Variants in DYNC2H1 observed in about 807,000 individuals in gnomAD.
DYNC2H1 encodes dynein cytoplasmic 2 heavy chain 1, also known as cytoplasmic dynein 2 heavy chain 1.
A neutral mutation model predicts 570.0 loss-of-function variants in DYNC2H1; 410 were observed. The observed-to-expected ratio is 0.72, with a 90% CI of 0.66 to 0.78. DYNC2H1 has a LOEUF of 0.78. DYNC2H1 is among the 30% of genes least tolerant of loss of function. DYNC2H1 has a pLI of 0.00. For missense variants in DYNC2H1, 4,865 were observed against 5,046.4 expected (o/e 0.96, Z 1.09); for synonymous variants, 1,688 against 1,677.6 (o/e 1.01, Z -0.15).
chr11:103,311,156 A>G (rs1867570208), intron 78 of DYNC2H1, among the ~76,000 whole-genome samples: 1 of 152,196 alleles, frequency 6.6e-6, no homozygotes, highest in Non-Finnish European at 1.5e-5. Context: ...TTTTATTTTT[A>G]AAACAAGCTA....
intron 82 of DYNC2H1, among the ~76,000 whole-genome samples, chr11:103,352,008 G>A (rs1450887772): frequency 6.6e-6 from 1 of 151,874 alleles, no homozygotes; most frequent in African/African-American, 2.4e-5. Flanking sequence ...TTCTCTATTA[G>A]CCAAATTTGC....
chr11:103,476,832 G>A (rs1294794173), intron 88 of DYNC2H1, among the ~76,000 whole-genome samples: 1 of 152,126 alleles, frequency 6.6e-6, no homozygotes. Context: ...AGGCTTAAAA[G>A]TAGAATGTCT....
chr11:103,153,562 A>ATCAAGC, intron 22 of DYNC2H1, 54 bp downstream of exon 22: 4 of 1,409,612 alleles, frequency 2.8e-6, no homozygotes, highest in Non-Finnish European at 3.8e-6. Context: ...CAATTTATAT[A>ATCAAGC]TCAAGCTAGT....
intron 14 of DYNC2H1, 71 bp from the exon 15 acceptor site, chr11:103,134,250 A>C: frequency 7.6e-7 from 1 of 1,324,138 alleles, no homozygotes; most frequent in Non-Finnish European, 1.1e-6. Flanking sequence ...GGTATCTGTC[A>C]GGTTTCTCCA....
chr11:103,188,625 C>T lies in DYNC2H1; in HGVS notation c.7269C>T (p.Ser2423=), dbSNP rs754582222. 2 of 1,607,576 alleles carry T rather than the reference C, an allele frequency of 1.2e-6. No individual in the cohort carries two copies. Among genetic ancestry groups the T allele is most frequent in the Non-Finnish European group, 8.5e-7 (1 of 1,176,350 alleles). ...GRHKLTTRFT[S]IVRLCSIDYP... is the part of the protein sequence containing the mutation. ...ATAAACTTACTACCAGATTTACTTC[C>T]ATCGTTCGTCTTTGTTCTATAGAGT... The change falls in exon 44 of 89, where the codon TCC becomes TCT. Residue 2423 remains serine (S), a synonymous_variant. Coordinates refer to ENST00000375735, the MANE Select transcript of DYNC2H1 (RefSeq NM_001377.3).
intron 34 of DYNC2H1, among the ~76,000 whole-genome samples, chr11:103,171,836 T>G (rs978654927): frequency 7.9e-5 from 12 of 152,246 alleles, no homozygotes; most frequent in African/African-American, 2.9e-4. Context: ...TTGTTTAACC[T>G]TCAAGCATAG....
Position 103,253,380 on chromosome 11 carries a change from C to A in DYNC2H1, c.10138C>A (p.Pro3380Thr), listed in dbSNP as rs775640558. The change falls in exon 66 of 89, where the codon CCA becomes ACA. Residue 3380 changes from proline to threonine, a missense_variant. Around this residue, in one of 5 missense-constraint regions of DYNC2H1, gnomAD observed 2,401 missense variants for 2,454.6 expected, o/e 0.98. Coordinates refer to ENST00000375735, the MANE Select transcript of DYNC2H1 (RefSeq NM_001377.3). ...AACAAGAAACCCAAATCCTTTTATT[C>A]CACCGGATGCAGCTTCCATTGTTAC... ...LSTRNPNPFI[P>T]PDAASIVTEV... 1.2e-6 allele frequency: 2 copies of A among 1,613,256 alleles called. No individual in the cohort carries two copies. Among genetic ancestry groups the A allele is most frequent in the Non-Finnish European group, 1.7e-6 (2 of 1,179,482 alleles).
rs1865061773 is a variant in DYNC2H1, at chr11:103,256,468, C to G, written c.10461+228C>G. ...TGTCAGTATACCCTGCTGCCTTCTA[C>G]TGATTTCTGGCATAATGTTATCTAA... is the stretch of plus-strand genomic sequence containing the variant. On this transcript the variant is annotated intron_variant, in intron 68 of 88. Coordinates refer to ENST00000375735, the MANE Select transcript of DYNC2H1 (RefSeq NM_001377.3). This position sits in a 1 kb window ranked among gnomAD's most constrained non-coding sequence, Gnocchi z 4.0. Among the ~76,000 whole-genome samples, 1 of 152,118 alleles carries G rather than the reference C, an allele frequency of 6.6e-6. No homozygotes were observed. Among genetic ancestry groups the G allele is most frequent in the South Asian group, 2.1e-4 (1 of 4,830 alleles).
chr11:103,326,011 T>TA lies in DYNC2H1; in HGVS notation c.12039+2021_12039+2022insA, dbSNP rs1472911354. Reference sequence around the variant, plus strand: ...TGGGTGCACTCAGTTGGGTTTGGTTTGGGGCGCTTTCAGAGGGCCAAGGCT... The same window carrying TA: ...TGGGTGCACTCAGTTGGGTTTGGTTTAGGGGCGCTTTCAGAGGGCCAAGGCT... On this transcript the variant is annotated intron_variant, in intron 82 of 88. Coordinates refer to ENST00000375735, the MANE Select transcript of DYNC2H1 (RefSeq NM_001377.3). The surrounding 1 kb of genome is among the most constrained non-coding windows in gnomAD (Gnocchi z 6.1). Among the ~76,000 whole-genome samples, 2 of 152,114 alleles carry TA rather than the reference T, an allele frequency of 1.3e-5. No homozygotes were observed. Among genetic ancestry groups the TA allele is most frequent in the Non-Finnish European group, 1.5e-5 (1 of 68,012 alleles).
intron 78 of DYNC2H1, among the ~76,000 whole-genome samples, chr11:103,308,655 C>T (rs1275353832): frequency 2.0e-5 from 3 of 152,114 alleles, no homozygotes; most frequent in Non-Finnish European, 2.9e-5. Flanking sequence ...CAACACTTTT[C>T]TTTGAGTGTG....
At chr11:103,410,576 C>T (rs1709151) in intron 84 of DYNC2H1, among the ~76,000 whole-genome samples, 49,202 of 151,882 alleles carry the variant, frequency 0.32, 8,077 homozygotes, top group African/African-American at 0.38. Context: ...AGTATTCTGG[C>T]GAATGGTTTT....
intron 1 of DYNC2H1, 65 bp downstream of exon 1, chr11:103,109,834 G>A: frequency 4.0e-6 from 6 of 1,505,172 alleles, no homozygotes; most frequent in Non-Finnish European, 5.4e-6. Flanking sequence ...CCAGCCAGAG[G>A]GACGTCGGGT....
At chr11:103,424,447 A>G (rs556761220) in intron 84 of DYNC2H1, among the ~76,000 whole-genome samples, 3 of 152,260 alleles carry the variant, frequency 2.0e-5, no homozygotes, top group East Asian at 1.9e-4. Context: ...TTTGCCCACT[A>G]TATCACTCGT....
chr11:103,455,675 A>G (rs1019921939), intron 86 of DYNC2H1, among the ~76,000 whole-genome samples: 1 of 152,156 alleles, frequency 6.6e-6, no homozygotes, highest in Non-Finnish European at 1.5e-5. Flanking sequence ...CAATATCCAC[A>G]TGGCTTGTGG....
chr11:103,378,429 A>G (rs1474256223), intron 83 of DYNC2H1, among the ~76,000 whole-genome samples: 2 of 152,166 alleles, frequency 1.3e-5, no homozygotes, highest in African/African-American at 4.8e-5. Flanking sequence ...AAATCAATAC[A>G]CTTACTCAAA....
chr11:103,109,895 C>T, intron 1 of DYNC2H1, 126 bp downstream of exon 1: 6 of 970,758 alleles, frequency 6.2e-6, no homozygotes, highest in Non-Finnish European at 8.8e-6. Context: ...CCAAGGCTGT[C>T]TCCACTTCTC....
In DYNC2H1 at chr11:103,353,900, C is replaced by T. The variant is rs371942607; in HGVS notation, c.12040-4343C>T. Among the ~76,000 whole-genome samples, 11 of 151,732 alleles carry T rather than the reference C, an allele frequency of 7.2e-5. 1 individual carries two copies. The highest frequency in any genetic ancestry group is 4.2e-4 in the South Asian group (2 of 4,792). On this transcript the variant is annotated intron_variant, in intron 82 of 88. Coordinates refer to ENST00000375735, the MANE Select transcript of DYNC2H1 (RefSeq NM_001377.3). ...TCATTTTTTAAAAATCTCTTTGGGC[C>T]GGGTGCGGTGGCTCACACCTGTAAT...
chr11:103,247,446 C>T (rs1864661898), intron 65 of DYNC2H1, among the ~76,000 whole-genome samples: 1 of 152,032 alleles, frequency 6.6e-6, no homozygotes, highest in South Asian at 2.1e-4. Context: ...AGTCCAATTG[C>T]TTCTGGGTGA....
intron 32 of DYNC2H1, 23 bp downstream of exon 32, chr11:103,168,983 A>T (rs756751070): frequency 3.9e-6 from 6 of 1,537,746 alleles, no homozygotes; most frequent in Non-Finnish European, 4.3e-6. Flanking sequence ...GCAGTGTTTT[A>T]TATTTCCAAT....
Sources: allele counts gnomAD v4.1 joint callset (sites outside exome capture counted in the v4.1 genomes callset), GRCh38; gene constraint gnomAD v4.1.1; regional missense constraint gnomAD v4.1.1; non-coding constraint Gnocchi (gnomAD v3.1); transcripts MANE v1.5; gene names NCBI Gene and HGNC (gene_info 2026-07-23, HGNC 2026-07-21).